GALNT9: variants seen among roughly 807,000 people sequenced by gnomAD.
The protein encoded by GALNT9 is GalNAc transferase 9.
GALNT9 carries 47 observed loss-of-function variants against 63.1 expected under a neutral mutation model. That is an observed-to-expected ratio of 0.75 (90% CI 0.59 to 0.95). The LOEUF (loss-of-function observed/expected upper bound fraction) is 0.95, where lower values mean the gene tolerates loss of function less well. GALNT9 is among the 40% of genes least tolerant of loss of function. The pLI is 0.00. For synonymous variants in GALNT9, 396 were observed against 365.7 expected (o/e 1.08, Z -0.94); for missense variants, 829 against 874.8 (o/e 0.95, Z 0.66).
At position 132,327,180 on chromosome 12, in the gene GALNT9, G is replaced by C. The variant is rs1237560446; in HGVS notation, c.238+1786C>G. ...ACAGCTAGGATGAAGGAAAGAAGGA[G>C]AAACAATTTTAAAAGAAAGAAAGGA... On this transcript the variant is annotated intron_variant, in intron 1 of 10. Coordinates refer to ENST00000328957, the MANE Select transcript of GALNT9 (RefSeq NM_001122636.2). The surrounding 1 kb of genome is among the most constrained non-coding windows in gnomAD (Gnocchi z 4.3). 6.7e-6 allele frequency among the ~76,000 whole-genome samples: 1 copy of C among 150,076 alleles called. No individual in the cohort carries two copies. The highest frequency in any genetic ancestry group is 1.5e-5 in the Non-Finnish European group (1 of 67,822).
chr12:132,295,878 C>T (rs540000015), intron 1 of GALNT9, among the ~76,000 whole-genome samples: 7 of 119,790 alleles, frequency 5.8e-5, no homozygotes, highest in African/African-American at 2.0e-4. Flanking sequence ...GGACGGCCTC[C>T]GGAACAGGGA....
chr12:132,211,711 G>A (rs1007659982), intron 6 of GALNT9, among the ~76,000 whole-genome samples: 6 of 152,146 alleles, frequency 3.9e-5, no homozygotes, highest in Admixed American at 6.6e-5. Context: ...CCTCTCCGTC[G>A]AGGGGACCCT....
intron 1 of GALNT9, among the ~76,000 whole-genome samples, chr12:132,294,201 C>G (rs1593110239): frequency 1.3e-5 from 2 of 152,158 alleles, no homozygotes; most frequent in Admixed American, 1.3e-4. Context: ...TGACCTCCCC[C>G]CAGAGCTGTC....
At chr12:132,318,820 G>A (rs562854948) in intron 1 of GALNT9, among the ~76,000 whole-genome samples, 4 of 152,196 alleles carry the variant, frequency 2.6e-5, no homozygotes, top group African/African-American at 4.8e-5. Flanking sequence ...GCCCCAGCCC[G>A]GGCCAGTTAT....
intron 1 of GALNT9, among the ~76,000 whole-genome samples, chr12:132,309,616 C>T (rs1422698145): frequency 2.0e-5 from 3 of 152,316 alleles, no homozygotes; most frequent in Admixed American, 6.5e-5. Context: ...GAGGCAGAGA[C>T]GATGCCACGA....
Position 132,266,048 on chromosome 12 carries a change from G to T in GALNT9, c.420-3423C>A, listed in dbSNP as rs113011081. ...CGACCTCGCCGTATTTCATCAACAG[G>T]CACGCACAGCCAACCGCGGGCCTGT... On this transcript the variant is annotated intron_variant, in intron 2 of 10. Transcript: ENST00000328957. Among the ~76,000 whole-genome samples the T allele has an allele frequency of 5.7e-3, 771 of 135,420 alleles. 10 individuals are homozygous for T. The highest frequency in any genetic ancestry group is 0.026 in the African/African-American group (707 of 27,006). 88.8% of individuals were successfully genotyped at this position (135,420 alleles called of 152,430 possible).
At chr12:132,230,791 C>G (rs1016762647) in intron 6 of GALNT9, among the ~76,000 whole-genome samples, 3 of 152,222 alleles carry the variant, frequency 2.0e-5, no homozygotes, top group Non-Finnish European at 2.9e-5. Flanking sequence ...GGTAACAGTC[C>G]GGGTTAATGG....
chr12:132,227,259 C>T (rs1047898160), intron 6 of GALNT9, among the ~76,000 whole-genome samples: 7 of 152,168 alleles, frequency 4.6e-5, no homozygotes. Flanking sequence ...CCCAGCTCGT[C>T]AGCAGAACCC....
chr12:132,199,160 G>C lies in GALNT9; in HGVS notation c.1497+14C>G. On this transcript the variant is annotated intron_variant, in intron 9 of 10. Transcript: ENST00000328957. ...CCCCTTGGGAGCTGCATGGGTGGCC[G>C]CTGCTACTCCTACCTGGGAGGACAT... 2 of 1,557,820 alleles carry C rather than the reference G, an allele frequency of 1.3e-6. No individual in the cohort carries two copies. Among genetic ancestry groups the C allele is most frequent in the Non-Finnish European group, 8.8e-7 (1 of 1,139,972 alleles).
Position 132,327,875 on chromosome 12 carries a change from G to A in GALNT9, c.238+1091C>T, listed in dbSNP as rs973520156. Among the ~76,000 whole-genome samples, 3 of 148,854 alleles carry A rather than the reference G, an allele frequency of 2.0e-5. No homozygotes were observed. The highest frequency in any genetic ancestry group is 6.8e-5 in the Admixed American group (1 of 14,792). ...AGAGGGTGTGGCTCCTGAAGGAAAC[G>A]CAAGACCACCCCCCGCCTTTGCCCC... On this transcript the variant is annotated intron_variant, in intron 1 of 10. Coordinates refer to ENST00000328957, the MANE Select transcript of GALNT9 (RefSeq NM_001122636.2). The surrounding 1 kb of genome is among the most constrained non-coding windows in gnomAD (Gnocchi z 4.3).
chr12:132,257,723 A>G lies in GALNT9; in HGVS notation c.925T>C (p.Trp309Arg), dbSNP rs1555239241. ...WCMYIIPPQD[W>R]LDRGDESAPI... ...GCTGACTCGTCGCCGCGGTCCAGCC[A>G]GTCCTGCGGGGGGATGATGTACATG... is the stretch of plus-strand genomic sequence containing the variant. Residue 309 changes from tryptophan to arginine, a missense_variant, in exon 5 of 11, where the codon TGG becomes CGG. Physicochemically the swap from Trp to Arg is moderately radical, Grantham distance 101. Transcript: ENST00000328957. The G allele has an allele frequency of 1.9e-6, 3 of 1,550,206 alleles. No homozygotes were observed. The highest frequency in any genetic ancestry group is 2.6e-6 in the Non-Finnish European group (3 of 1,146,754).
intron 2 of GALNT9, among the ~76,000 whole-genome samples, chr12:132,264,612 G>A (rs538957601): frequency 5.5e-4 from 84 of 152,348 alleles, no homozygotes; most frequent in Non-Finnish European, 1.6e-4. Context: ...ACCTTCCAGG[G>A]GTTTGAGTCC....
In GALNT9 at chr12:132,278,307, C is replaced by CA. The variant is rs1880190613; in HGVS notation, c.419+7942dup. On this transcript the variant is annotated intron_variant, in intron 2 of 10. Coordinates refer to ENST00000328957, the MANE Select transcript of GALNT9 (RefSeq NM_001122636.2). ...CAGACTTCTGAGTTTAAAAAAATAC[C>CA]AAAAATAAAATAATCAGGCATCAAA... 3.3e-5 allele frequency: 5 copies of CA among 152,136 alleles called. No homozygotes were observed. In the South Asian group the frequency reaches 1.0e-3, roughly 32 times the overall value. The allele number at this position is 152,136 out of a possible 1,614,324, so 9.4% of individuals were successfully genotyped here. A position where few individuals can be genotyped will look rare whatever the true frequency, so the allele number is the denominator to read the frequency against.
chr12:132,286,480 T>G lies in GALNT9; in HGVS notation c.239-50A>C. 4.0e-6 allele frequency: 6 copies of G among 1,506,052 alleles called. No homozygotes were observed. The highest frequency in any genetic ancestry group is 5.3e-6 in the Non-Finnish European group (6 of 1,126,510). 93.3% of individuals were successfully genotyped at this position (1,506,052 alleles called of 1,614,324 possible). A position where few individuals can be genotyped will look rare whatever the true frequency, so the allele number is the denominator to read the frequency against. On this transcript the variant is annotated intron_variant, in intron 1 of 10. Coordinates refer to ENST00000328957, the MANE Select transcript of GALNT9 (RefSeq NM_001122636.2). The surrounding 1 kb of genome is among the most constrained non-coding windows in gnomAD (Gnocchi z 7.4). ...TCAGGCAGGCCCAGGACACGCTGCG[T>G]CTGCACCCAGGAGACGCCCCTCCCG...
chr12:132,199,370 C>A, intron 8 of GALNT9, 101 bp from the exon 9 acceptor site: 1 of 823,124 alleles, frequency 1.2e-6, no homozygotes. Flanking sequence ...AAGGAGGTGC[C>A]CGCGGGAGGA....
intron 6 of GALNT9, among the ~76,000 whole-genome samples, chr12:132,222,916 ATCC>A (rs1877513649): frequency 8.9e-5 from 2 of 22,404 alleles, no homozygotes; most frequent in African/African-American, 1.7e-4. Flanking sequence ...CCCCACATAC[ATCC>A]CACACAACCC....
chr12:132,244,242 G>T (rs2136906372), intron 6 of GALNT9, among the ~76,000 whole-genome samples: 90 of 104,048 alleles, frequency 8.6e-4, no homozygotes, highest in African/African-American at 3.0e-3. Context: ...TGAGGGCCCG[G>T]CAGGGCTGGG....
chr12:132,234,677 C>G (rs1330489191), intron 6 of GALNT9, among the ~76,000 whole-genome samples: 1 of 17,974 alleles, frequency 5.6e-5, no homozygotes, highest in Non-Finnish European at 9.3e-5. Context: ...CACTCGATGG[C>G]GTGAGAGAGG....
In GALNT9 at chr12:132,252,781, G is replaced by A. The variant is rs1316068849; in HGVS notation, c.960-4754C>T. ...GCCTGTAATCCCAGCTACTAGGGAG[G>A]CTGAGGCAGGAGAATCGCTTGAACC... On this transcript the variant is annotated intron_variant, in intron 5 of 10. Coordinates refer to ENST00000328957, the MANE Select transcript of GALNT9 (RefSeq NM_001122636.2). The surrounding 1 kb of genome is among the most constrained non-coding windows in gnomAD (Gnocchi z 5.2). Among the ~76,000 whole-genome samples, 1 of 152,160 alleles carries A rather than the reference G, an allele frequency of 6.6e-6. No homozygotes were observed. The highest frequency in any genetic ancestry group is 1.5e-5 in the Non-Finnish European group (1 of 68,024).
Sources: gnomAD v4.1 joint callset for allele counts (sites outside exome capture counted in the v4.1 genomes callset) on GRCh38, gnomAD v4.1.1 for gene constraint, Gnocchi (gnomAD v3.1) non-coding constraint, MANE v1.5 for transcripts, NCBI Gene and HGNC (gene_info 2026-07-23, HGNC 2026-07-21) for gene names.